The following BBX variants were observed in gnomAD, a reference collection of about 807,000 sequenced individuals.
BBX encodes BBX high mobility group box domain containing.
A neutral mutation model predicts 100.2 loss-of-function variants in BBX; 30 were observed. That is an observed-to-expected ratio of 0.30 (90% CI 0.22 to 0.41). The LOEUF is 0.41. Among genes scored for constraint, BBX ranks in the 10% least tolerant of loss-of-function variants. The probability of loss-of-function intolerance (pLI) is 1.00; values close to 1 mark genes in which losing one functional copy is unlikely to be tolerated. For missense variants in BBX, 1,023 were observed against 1,129.8 expected (o/e 0.91, Z 1.35); for synonymous variants, 376 against 388.1 (o/e 0.97, Z 0.37).
chr3:107,731,358 C>G (rs2063305281), intron 6 of BBX, among the ~76,000 whole-genome samples: 2 of 152,156 alleles, frequency 1.3e-5, no homozygotes, highest in Non-Finnish European at 2.9e-5. Flanking sequence ...AGGATGACAG[C>G]TGCAAAAGTA....
At chr3:107,642,524 C>A (rs1346495872) in intron 2 of BBX, among the ~76,000 whole-genome samples, 1 of 152,168 alleles carries the variant, frequency 6.6e-6, no homozygotes, top group East Asian at 1.9e-4. Flanking sequence ...AGTTCGTGAC[C>A]TATACTTGCT....
intron 2 of BBX, among the ~76,000 whole-genome samples, chr3:107,625,626 AT>A (rs964084143): frequency 6.6e-6 from 1 of 152,036 alleles, no homozygotes; most frequent in African/African-American, 2.4e-5. Context: ...AACATCAGTT[AT>A]TTTTTTGTAT....
At chr3:107,683,347 A>G (rs527952555) in intron 3 of BBX, among the ~76,000 whole-genome samples, 1 of 152,218 alleles carries the variant, frequency 6.6e-6, no homozygotes, top group East Asian at 1.9e-4. Flanking sequence ...AGAAATAGAT[A>G]CTTCCTCATA....
intron 2 of BBX, among the ~76,000 whole-genome samples, chr3:107,540,453 T>G (rs1429881761): frequency 1.3e-5 from 2 of 152,212 alleles, no homozygotes; most frequent in Non-Finnish European, 2.9e-5. Context: ...ATATTAATAC[T>G]ATGTACTGGG....
In BBX at chr3:107,755,628, G is replaced by A. The variant is rs773696884; in HGVS notation, c.856G>A (p.Ala286Thr). The part of the protein sequence containing the change: ...ISSNTSQLGG[A>T]EPVKRCGKSA... ...TTCAAACACTTCGCAGTTGGGTGGT[G>A]CTGAGCCTGTAAAACGCTGTGGAAA... The change falls in exon 10 of 18, where the codon GCT (alanine) becomes ACT (threonine). Residue 286 changes from alanine (A) to threonine (T), a missense_variant. Ala to Thr is a moderately conservative substitution (Grantham distance 58). Coordinates refer to ENST00000325805, the MANE Select transcript of BBX (RefSeq NM_001142568.3). 1.2e-6 allele frequency: 2 copies of A among 1,613,914 alleles called. No homozygotes were observed. Among genetic ancestry groups the A allele is most frequent in the East Asian group, 2.2e-5 (1 of 44,842 alleles).
intron 2 of BBX, among the ~76,000 whole-genome samples, chr3:107,576,653 A>T (rs548411630): frequency 5.9e-5 from 9 of 152,282 alleles, no homozygotes; most frequent in African/African-American, 2.2e-4. Context: ...TGTGATGCAA[A>T]TTTACTTTTT....
intron 3 of BBX, among the ~76,000 whole-genome samples, chr3:107,691,400 A>C (rs76857175): frequency 1.3e-5 from 2 of 152,182 alleles, no homozygotes; most frequent in Non-Finnish European, 2.9e-5. Context: ...CTAAACACAT[A>C]AAAGGAATAT....
At chr3:107,707,073 T>G (rs1302552289) in intron 3 of BBX, among the ~76,000 whole-genome samples, 1 of 152,242 alleles carries the variant, frequency 6.6e-6, no homozygotes, top group Non-Finnish European at 1.5e-5. Flanking sequence ...TCATAGTTAT[T>G]AGATCAATTA....
intron 3 of BBX, among the ~76,000 whole-genome samples, chr3:107,690,356 A>T (rs950398842): frequency 1.3e-5 from 2 of 152,198 alleles, no homozygotes; most frequent in Admixed American, 1.3e-4. Context: ...CCCCAACATA[A>T]TGCCATTGTG....
chr3:107,603,641 G>A (rs1172306338), intron 2 of BBX, among the ~76,000 whole-genome samples: 1 of 152,092 alleles, frequency 6.6e-6, no homozygotes, highest in African/African-American at 2.4e-5. Context: ...GCCTTCCAAG[G>A]TGCTGGGATC....
intron 2 of BBX, among the ~76,000 whole-genome samples, chr3:107,568,212 G>A (rs1576335713): frequency 1.3e-5 from 2 of 151,462 alleles, no homozygotes; most frequent in African/African-American, 4.8e-5. Flanking sequence ...CTTTCAATGT[G>A]GAGGCTGTTG....
At chr3:107,698,931 A>G (rs2060854578) in intron 3 of BBX, among the ~76,000 whole-genome samples, 1 of 151,792 alleles carries the variant, frequency 6.6e-6, no homozygotes, top group Non-Finnish European at 1.5e-5. Context: ...AGAGCAGGGC[A>G]TGGCAAGGAC....
rs865857006 is a variant in BBX at position 107,648,638 on chromosome 3, A to G, written c.-10+2729A>G. ...TCTAGTGATGAAGAATGCAGACACC[A>G]TAGGGAGCTTAACAGTTGCATCCGG... is the stretch of plus-strand genomic sequence containing the variant. On this transcript the variant is annotated intron_variant, in intron 3 of 17. Transcript: ENST00000325805. Among the ~76,000 whole-genome samples, 130 of 152,300 alleles carry G rather than the reference A, an allele frequency of 8.5e-4. 1 individual carries two copies. In the Middle Eastern group the frequency reaches 0.01, roughly 12 times the overall value.
chr3:107,634,130 A>G (rs966460853), intron 2 of BBX, among the ~76,000 whole-genome samples: 1 of 152,234 alleles, frequency 6.6e-6, no homozygotes, highest in Non-Finnish European at 1.5e-5. Flanking sequence ...AGTTTAGACT[A>G]TAGGTGATAC....
chr3:107,547,986 T>G (rs913602737), intron 2 of BBX, among the ~76,000 whole-genome samples: 27 of 152,264 alleles, frequency 1.8e-4, no homozygotes, highest in Admixed American at 1.3e-3. Context: ...TCTTTGTCAT[T>G]TTTATGGCTT....
chr3:107,650,906 C>G (rs578001902), intron 3 of BBX, among the ~76,000 whole-genome samples: 30 of 152,296 alleles, frequency 2.0e-4, no homozygotes, highest in Middle Eastern at 3.4e-3. Context: ...AAGTCAGTTT[C>G]TAGTGAGGTC....
intron 3 of BBX, among the ~76,000 whole-genome samples, chr3:107,671,208 C>CA (rs1246335719): frequency 2.0e-5 from 3 of 151,702 alleles, no homozygotes; most frequent in Non-Finnish European, 2.9e-5. Context: ...CGAGTGTCTG[C>CA]AGTTGCCCAA....
intron 2 of BBX, among the ~76,000 whole-genome samples, chr3:107,618,370 A>G (rs2055462036): frequency 6.6e-6 from 1 of 152,044 alleles, no homozygotes; most frequent in African/African-American, 2.4e-5. Context: ...GTTCGAAAGT[A>G]ATACCAAAAT....
chr3:107,759,638 C>A (rs1419767000), intron 10 of BBX, among the ~76,000 whole-genome samples: 1 of 152,130 alleles, frequency 6.6e-6, no homozygotes, highest in Admixed American at 6.5e-5. Context: ...GCAACTTGTT[C>A]ATTTATTCTC....
Sources: allele counts gnomAD v4.1 joint callset (sites outside exome capture counted in the v4.1 genomes callset), GRCh38; gene constraint gnomAD v4.1.1; transcripts MANE v1.5; gene names NCBI Gene and HGNC (gene_info 2026-07-23, HGNC 2026-07-21).